SGIP1: variants seen among roughly 807,000 people sequenced by gnomAD.
SGIP1 encodes SH3GL interacting endocytic adaptor 1.
In SGIP1, 38 loss-of-function variants were observed where a neutral mutation model predicts 107.5. The ratio of observed to expected loss-of-function variants is 0.35; its 90% CI spans 0.27 to 0.46. The LOEUF (loss-of-function observed/expected upper bound fraction) is 0.46. SGIP1 is among the 20% of genes least tolerant of loss of function. The pLI, the probability that SGIP1 is intolerant of heterozygous loss-of-function variation, is 1.00. For missense variants in SGIP1, 929 were observed against 1,019.5 expected, an observed-to-expected ratio of 0.91 and a Z score of 1.21; for synonymous variants, 365 against 366.1, an observed-to-expected ratio of 1.00 and a Z score of 0.03.
chr1:66,534,234 T>G lies in SGIP1; in HGVS notation c.-125T>G, dbSNP rs1390860986. On this transcript the variant is annotated 5_prime_UTR_variant, in exon 1 of 25. Coordinates refer to ENST00000371037, the MANE Select transcript of SGIP1 (RefSeq NM_032291.4). ...CTTTTGGCTTAACACTTATCTCCTT[T>G]GGCTTTGACAGCGGACGGAATAGAC... is the stretch of plus-strand genomic sequence containing the variant. 1.0e-6 allele frequency: 1 copy of G among 995,688 alleles called. No individual in the cohort carries two copies. Among genetic ancestry groups the G allele is most frequent in the South Asian group, 1.4e-5 (1 of 73,058 alleles). The allele number at this position is 995,688 out of a possible 1,614,324, so 61.7% of individuals were successfully genotyped here.
chr1:66,612,681 C>A (rs2068286737), intron 1 of SGIP1, among the ~76,000 whole-genome samples: 1 of 152,212 alleles, frequency 6.6e-6, no homozygotes, highest in South Asian at 2.1e-4. Context: ...AATGTGAATT[C>A]TTGAGAGATT....
intron 1 of SGIP1, among the ~76,000 whole-genome samples, chr1:66,593,586 C>T (rs2064056134): frequency 1.3e-5 from 2 of 152,162 alleles, no homozygotes; most frequent in African/African-American, 2.4e-5. Context: ...CTACAAGGCA[C>T]AATGAATTTC....
Position 66,659,368 on chromosome 1 carries a change from A to G in SGIP1, c.460-1145A>G, listed in dbSNP as rs777622870. 7.9e-5 allele frequency among the ~76,000 whole-genome samples: 12 copies of G among 152,184 alleles called. 1 individual carries two copies. On this transcript the variant is annotated intron_variant, in intron 7 of 24. Transcript: ENST00000371037. The stretch of plus-strand genomic sequence containing the variant: ...CAGGGAGAAGAATTCATAATTGTCT[A>G]TGAAGAATAGGGGAAAATTAAGGAT...
intron 1 of SGIP1, among the ~76,000 whole-genome samples, chr1:66,540,839 T>C (rs115840746): frequency 0.016 from 2,451 of 152,318 alleles, 53 homozygotes; most frequent in African/African-American, 0.055. Context: ...TTTACATTCC[T>C]GGGCTCTGTT....
At chr1:66,735,247 CCT>C (rs969896612) in intron 21 of SGIP1, among the ~76,000 whole-genome samples, 1 of 151,316 alleles carries the variant, frequency 6.6e-6, no homozygotes, top group Non-Finnish European at 1.5e-5. Flanking sequence ...ATGAAGTCTC[CCT>C]CTGTTGCCCA....
At chr1:66,608,764 G>A (rs1421966773) in intron 1 of SGIP1, among the ~76,000 whole-genome samples, 1 of 152,202 alleles carries the variant, frequency 6.6e-6, no homozygotes, top group Non-Finnish European at 1.5e-5. Context: ...TAAAACGGGA[G>A]GAGGCACTGA....
chr1:66,658,093 A>C (rs2080146336), intron 7 of SGIP1, among the ~76,000 whole-genome samples: 1 of 152,132 alleles, frequency 6.6e-6, no homozygotes, highest in Non-Finnish European at 1.5e-5. Flanking sequence ...AGAGGAGGGG[A>C]GGGGTAACCT....
intron 1 of SGIP1, among the ~76,000 whole-genome samples, chr1:66,566,109 A>C (rs1246282409): frequency 5.9e-5 from 9 of 152,022 alleles, no homozygotes; most frequent in Admixed American, 5.9e-4. Context: ...GGGAGAAATT[A>C]ACCATTCCGC....
chr1:66,667,213 C>T (rs538752358), intron 8 of SGIP1, among the ~76,000 whole-genome samples: 13 of 152,104 alleles, frequency 8.5e-5, no homozygotes, highest in East Asian at 7.7e-4. Context: ...AAAACTTCTA[C>T]GGCAAGACAT....
At chr1:66,536,407 C>A (rs112268128) in intron 1 of SGIP1, among the ~76,000 whole-genome samples, 1 of 152,122 alleles carries the variant, frequency 6.6e-6, no homozygotes, top group Non-Finnish European at 1.5e-5. Flanking sequence ...CTTAATAGTT[C>A]GGTGACCTTA....
At chr1:66,575,621 A>C (rs999241193) in intron 1 of SGIP1, among the ~76,000 whole-genome samples, 6 of 152,144 alleles carry the variant, frequency 3.9e-5, no homozygotes, top group African/African-American at 7.2e-5. Flanking sequence ...TTCAGTTTTC[A>C]CCAATAGAAA....
chr1:66,623,220 A>T (rs1277593850), intron 1 of SGIP1, among the ~76,000 whole-genome samples: 1 of 151,782 alleles, frequency 6.6e-6, no homozygotes, highest in Admixed American at 6.6e-5. Context: ...AACTTCTTAA[A>T]CCTTTCCACT....
chr1:66,536,677 T>A (rs941722917), intron 1 of SGIP1, among the ~76,000 whole-genome samples: 1 of 152,180 alleles, frequency 6.6e-6, no homozygotes, highest in African/African-American at 2.4e-5. Flanking sequence ...CCCAAATTTG[T>A]CATGGCAGCT....
intron 12 of SGIP1, among the ~76,000 whole-genome samples, chr1:66,675,944 C>T (rs2085220382): frequency 6.6e-6 from 1 of 152,146 alleles, no homozygotes; most frequent in Non-Finnish European, 1.5e-5. Context: ...CCGTGGACAC[C>T]TCATTAAACC....
At chr1:66,687,796 C>T (rs1025525879) in intron 15 of SGIP1, among the ~76,000 whole-genome samples, 12 of 152,102 alleles carry the variant, frequency 7.9e-5, no homozygotes, top group Admixed American at 7.2e-4. Flanking sequence ...AGTAAGAATA[C>T]AGATGGTAGT....
Position 66,739,490 on chromosome 1 carries a change from C to G in SGIP1, c.2187C>G (p.Ile729Met), listed in dbSNP as rs140620789. 1.2e-6 allele frequency: 2 copies of G among 1,614,022 alleles called. No homozygotes were observed. The highest frequency in any genetic ancestry group is 1.3e-5 in the African/African-American group (1 of 74,908). Residue 729 changes from isoleucine (I) to methionine (M), a missense_variant, in exon 22 of 25, where the codon ATC (isoleucine) becomes ATG (methionine). Around this residue, in one of 2 missense-constraint regions of SGIP1, gnomAD observed 341 missense variants for 430.9 expected, o/e 0.79. Transcript: ENST00000371037. ...ACAATGTGCAGTTCCTGGTCCCCAT[C>G]GACGGAGGAGTCACCAAGCTCCAGG... ...ALNNVQFLVPIDGGVTKLQAV... is the reference protein window; with the variant it reads ...ALNNVQFLVPMDGGVTKLQAV...
intron 1 of SGIP1, among the ~76,000 whole-genome samples, chr1:66,535,036 A>G (rs533972587): frequency 6.6e-6 from 1 of 152,318 alleles, no homozygotes. Context: ...TCCCTGTCCA[A>G]TGGATTTTAG....
At chr1:66,581,508 TAAC>T (rs1184036022) in intron 1 of SGIP1, among the ~76,000 whole-genome samples, 3 of 152,154 alleles carry the variant, frequency 2.0e-5, no homozygotes, top group South Asian at 2.1e-4. Context: ...TAATAACTCT[TAAC>T]AAGGTTATTT....
chr1:66,674,079 G>A (rs2084584426), intron 12 of SGIP1, among the ~76,000 whole-genome samples: 1 of 151,946 alleles, frequency 6.6e-6, no homozygotes, highest in Non-Finnish European at 1.5e-5. Context: ...GAGGTGGGAG[G>A]TTCACTTAAG....
Sources: gnomAD v4.1 joint callset for allele counts (sites outside exome capture counted in the v4.1 genomes callset) on GRCh38, gnomAD v4.1.1 for gene constraint, gnomAD v4.1.1 regional missense constraint, MANE v1.5 for transcripts, NCBI Gene and HGNC (gene_info 2026-07-23, HGNC 2026-07-21) for gene names.